KANK1: variants seen among roughly 807,000 people sequenced by gnomAD.
The protein encoded by KANK1 is KN motif and ankyrin repeat domains 1, also known as KN motif and ankyrin repeat domain-containing protein 1.
In KANK1, 109 loss-of-function variants were observed where a neutral mutation model predicts 106.2. The ratio of observed to expected loss-of-function variants is 1.03; its 90% CI spans 0.88 to 1.20. KANK1 has a LOEUF of 1.20. Ranked by LOEUF, KANK1 falls within the 50% of genes most tolerant of loss-of-function variation. The pLI is 0.00. For synonymous variants in KANK1, 873 were observed against 652.2 expected (o/e 1.34, Z -5.16); for missense variants, 2,399 against 1,710.7 (o/e 1.40, Z -7.10).
chr9:612,795 C>G (rs1007872794), intron 1 of KANK1, among the ~76,000 whole-genome samples: 1 of 152,154 alleles, frequency 6.6e-6, no homozygotes, highest in Admixed American at 6.5e-5. Flanking sequence ...CTGTGACACT[C>G]TTTCGAACCC....
In KANK1 at chr9:740,942, C is replaced by T. The variant is rs373324342; in HGVS notation, c.3696+8C>T. 3.7e-5 allele frequency: 59 copies of T among 1,613,492 alleles called. 1 individual carries two copies. In the African/African-American group the frequency reaches 5.7e-4, roughly 16 times the overall value. On this transcript the variant is annotated splice_region_variant and intron_variant, in intron 9 of 11. Coordinates refer to ENST00000382297, the MANE Select transcript of KANK1 (RefSeq NM_015158.5). The stretch of plus-strand genomic sequence containing the variant: ...AATGCCAAAGCTAGTCAGGTTAGTG[C>T]GCCTGGTTCCTGTGCTCAGGAATGC...
intron 10 of KANK1, 89 bp from the exon 11 acceptor site, chr9:744,402 T>C (rs779860542): frequency 1.4e-6 from 2 of 1,427,374 alleles, no homozygotes; most frequent in Admixed American, 2.1e-5. Flanking sequence ...ACCTTGCCAA[T>C]TATTGGAGGG....
At chr9:640,557 C>A (rs762032408) in intron 1 of KANK1, among the ~76,000 whole-genome samples, 1 of 151,968 alleles carries the variant, frequency 6.6e-6, no homozygotes, top group Non-Finnish European at 1.5e-5. Flanking sequence ...ACCATCATGC[C>A]CAGCTAATTT....
At position 546,506 on chromosome 9, in the gene KANK1, T is replaced by G. The variant is rs147649268; in HGVS notation, c.-84+41752T>G. 3.8e-4 allele frequency among the ~76,000 whole-genome samples: 58 copies of G among 152,242 alleles called. 1 individual carries two copies. Among genetic ancestry groups the G allele is most frequent in the African/African-American group, 1.4e-3 (57 of 41,548 alleles). ...GGTGATAGCTGGAGGTGGGTGGACC[T>G]GAGAACAGGCTCCTTACATACTTTG... On this transcript the variant is annotated intron_variant, in intron 1 of 11. Coordinates refer to ENST00000382297, the MANE Select transcript of KANK1 (RefSeq NM_015158.5).
At chr9:607,843 G>A (rs1043690759) in intron 1 of KANK1, among the ~76,000 whole-genome samples, 3 of 151,534 alleles carry the variant, frequency 2.0e-5, no homozygotes, top group Non-Finnish European at 4.4e-5. Flanking sequence ...GGTAAAATTA[G>A]GCCAATCTTT....
At chr9:580,533 G>A (rs1457140160) in intron 1 of KANK1, among the ~76,000 whole-genome samples, 1 of 152,184 alleles carries the variant, frequency 6.6e-6, no homozygotes, top group African/African-American at 2.4e-5. Context: ...CAATCCCTGA[G>A]CTAGACGCAA....
At chr9:575,426 G>C (rs572366028) in intron 1 of KANK1, among the ~76,000 whole-genome samples, 1 of 151,700 alleles carries the variant, frequency 6.6e-6, no homozygotes, top group East Asian at 1.9e-4. Context: ...CCAGCACTTT[G>C]GGAGACTGAG....
Position 483,152 on chromosome 9 carries a change from T to G in KANK1, c.-362+9879T>G, listed in dbSNP as rs151091398. The stretch of plus-strand genomic sequence containing the variant: ...ATTGTACCAAATTTATAAGTGAAAC[T>G]TTATCATAGATATGTATGTATAGGA... On this transcript the variant is annotated intron_variant, in intron 3 of 15. Transcript: ENST00000382303. Among the ~76,000 whole-genome samples, 673 of 152,274 alleles carry G rather than the reference T, an allele frequency of 4.4e-3. 6 individuals carry two copies. The highest frequency in any genetic ancestry group is 0.015 in the African/African-American group (641 of 41,544).
intron 1 of KANK1, among the ~76,000 whole-genome samples, chr9:649,519 C>T (rs756266153): frequency 3.3e-5 from 5 of 152,180 alleles, no homozygotes; most frequent in Admixed American, 6.5e-5. Flanking sequence ...TCTTGGAATG[C>T]AGCTTACAGA....
At chr9:632,010 ATTGC>A in intron 1 of KANK1, among the ~76,000 whole-genome samples, 1 of 152,208 alleles carries the variant, frequency 6.6e-6, no homozygotes. Flanking sequence ...ATCATTCTGT[ATTGC>A]ATGAGTACAA....
rs148366923 is a variant in KANK1 at position 667,785 on chromosome 9, G to C, written c.-83-9105G>C. Reference sequence around the variant, plus strand: ...AGATGGAGTCTCCCTCTGTCATCCAGGCTGGAGTGCAGTGGTGCAATCTGC... The same window carrying C: ...AGATGGAGTCTCCCTCTGTCATCCACGCTGGAGTGCAGTGGTGCAATCTGC... On this transcript the variant is annotated intron_variant, in intron 1 of 11. Coordinates refer to ENST00000382297, the MANE Select transcript of KANK1 (RefSeq NM_015158.5). Among the ~76,000 whole-genome samples, 1,123 of 147,622 alleles carry C rather than the reference G, an allele frequency of 7.6e-3. 12 individuals are homozygous for C. The highest frequency in any genetic ancestry group is 0.027 in the African/African-American group (1,085 of 39,994).
chr9:482,468 T>C (rs910509135), intron 3 of KANK1, among the ~76,000 whole-genome samples: 8 of 152,186 alleles, frequency 5.3e-5, no homozygotes, highest in African/African-American at 1.9e-4. Flanking sequence ...ATGCCCTCCC[T>C]TGCCAACTCA....
chr9:643,619 A>G (rs909308798), intron 1 of KANK1, among the ~76,000 whole-genome samples: 3 of 143,686 alleles, frequency 2.1e-5, no homozygotes, highest in Admixed American at 7.1e-5. Context: ...TCCTGGGCCA[A>G]TCCTCCTGCA....
At chr9:564,838 G>C (rs1280837079) in intron 1 of KANK1, among the ~76,000 whole-genome samples, 1 of 152,206 alleles carries the variant, frequency 6.6e-6, no homozygotes, top group Non-Finnish European at 1.5e-5. Flanking sequence ...CAACTCATGT[G>C]AGTCTCATTG....
intron 1 of KANK1, among the ~76,000 whole-genome samples, chr9:632,002 C>G (rs1434925106): frequency 6.6e-6 from 1 of 152,164 alleles, no homozygotes; most frequent in Non-Finnish European, 1.5e-5. Context: ...TCTCTTCCAT[C>G]ATTCTGTATT....
chr9:633,459 A>T (rs903264476), intron 1 of KANK1, among the ~76,000 whole-genome samples: 1 of 152,056 alleles, frequency 6.6e-6, no homozygotes, highest in Admixed American at 6.5e-5. Flanking sequence ...CTCCGTCTCA[A>T]AAACAAAACA....
At chr9:611,447 C>T (rs1363312439) in intron 1 of KANK1, among the ~76,000 whole-genome samples, 1 of 152,112 alleles carries the variant, frequency 6.6e-6, no homozygotes, top group African/African-American at 2.4e-5. Context: ...ACCTTAAGGC[C>T]CATGTCCTCT....
intron 3 of KANK1, among the ~76,000 whole-genome samples, chr9:714,745 A>G (rs114154838): frequency 0.013 from 1,971 of 152,208 alleles, 48 homozygotes; most frequent in African/African-American, 0.046. Context: ...ATTGAAGCTA[A>G]TAATCAGAAA....
chr9:643,656 C>A (rs80029280), intron 1 of KANK1, among the ~76,000 whole-genome samples: 12,159 of 145,902 alleles, frequency 0.083, 1,112 homozygotes, highest in African/African-American at 0.18. Flanking sequence ...TGAGGATTAC[C>A]GGTGTGAGCC....
Sources: gnomAD v4.1 joint callset for allele counts (sites outside exome capture counted in the v4.1 genomes callset) on GRCh38, gnomAD v4.1.1 for gene constraint, MANE v1.5 for transcripts, NCBI Gene and HGNC (gene_info 2026-07-23, HGNC 2026-07-21) for gene names.